Variants in LRP1B observed in about 807,000 individuals in gnomAD.
The protein encoded by LRP1B is LDL receptor related protein 1B.
Under a neutral mutation model 556.6 loss-of-function variants are expected in LRP1B, and 217 were observed. The ratio of observed to expected loss-of-function variants is 0.39; its 90% CI spans 0.35 to 0.44. LRP1B has a LOEUF of 0.44. Ranked by LOEUF, LRP1B falls within the 20% of genes least tolerant of loss-of-function variation. LRP1B has a pLI of 1.00. For synonymous variants in LRP1B, 2,047 were observed against 1,865.8 expected (o/e 1.10, Z -2.50); for missense variants, 5,053 against 5,620.8 (o/e 0.90, Z 3.23).
chr2:141,247,467 A>G, intron 4 of LRP1B, 113 bp from the exon 5 acceptor site: 2 of 1,215,370 alleles, frequency 1.6e-6, no homozygotes, highest in Non-Finnish European at 2.3e-6. Context: ...AGGAAAAGCC[A>G]ATTCCAATAA....
intron 3 of LRP1B, among the ~76,000 whole-genome samples, chr2:141,472,267 C>A (rs534078759): frequency 8.5e-5 from 13 of 152,208 alleles, no homozygotes; most frequent in Non-Finnish European, 1.9e-4. Context: ...TAAAATTGGC[C>A]GGACACAGTG....
In LRP1B at chr2:141,727,530, T is replaced by C. The variant is rs548232255; in HGVS notation, c.205+82749A>G. ...TGATTTAAGGAGTCTGACATTGAAT[T>C]TGGATTTCAATCCTGGTTATCCCAC... On this transcript the variant is annotated intron_variant, in intron 2 of 90. Coordinates refer to ENST00000389484, the MANE Select transcript of LRP1B (RefSeq NM_018557.3). Among the ~76,000 whole-genome samples the C allele has an allele frequency of 1.1e-4, 16 of 152,294 alleles. No homozygotes were observed. The South Asian group carries it at 3.3e-3, about 32-fold the overall frequency.
chr2:141,583,127 C>T (rs187587338), intron 2 of LRP1B, among the ~76,000 whole-genome samples: 15 of 152,136 alleles, frequency 9.9e-5, no homozygotes, highest in African/African-American at 3.1e-4. Context: ...TGAGCCACCA[C>T]GCCCGGCCAA....
intron 2 of LRP1B, among the ~76,000 whole-genome samples, chr2:141,623,836 G>A (rs1455761322): frequency 2.0e-5 from 3 of 151,618 alleles, no homozygotes; most frequent in African/African-American, 7.3e-5. Flanking sequence ...CTAAGATGGT[G>A]AAACTCCGTC....
intron 25 of LRP1B, 89 bp downstream of exon 25, chr2:140,883,728 T>C (rs1302563555): frequency 1.3e-6 from 1 of 795,326 alleles, no homozygotes; most frequent in Non-Finnish European, 1.8e-6. Context: ...CCACTTTGAC[T>C]CATAATTGAT....
At chr2:141,007,222 G>C (rs1697601062) in intron 14 of LRP1B, among the ~76,000 whole-genome samples, 1 of 151,736 alleles carries the variant, frequency 6.6e-6, no homozygotes, top group South Asian at 2.1e-4. Context: ...GGTTGGATGT[G>C]CTATACGGAG....
At chr2:140,429,849 C>A (rs1685840769) in intron 66 of LRP1B, among the ~76,000 whole-genome samples, 1 of 152,160 alleles carries the variant, frequency 6.6e-6, no homozygotes, top group South Asian at 2.1e-4. Flanking sequence ...TCAACTCACT[C>A]TTTACAGTTC....
At chr2:141,038,307 G>A (rs1433980475) in intron 11 of LRP1B, among the ~76,000 whole-genome samples, 2 of 152,038 alleles carry the variant, frequency 1.3e-5, no homozygotes, top group African/African-American at 4.8e-5. Context: ...TGATTTGTGT[G>A]TATATATGGT....
intron 2 of LRP1B, among the ~76,000 whole-genome samples, chr2:141,774,427 G>T (rs1265602805): frequency 6.6e-6 from 1 of 152,066 alleles, no homozygotes; most frequent in Non-Finnish European, 1.5e-5. Context: ...GATCTTGTGT[G>T]CACTAATGAG....
intron 2 of LRP1B, among the ~76,000 whole-genome samples, chr2:141,520,962 T>C (rs139823416): frequency 1.1e-4 from 17 of 152,188 alleles, no homozygotes; most frequent in Middle Eastern, 3.4e-3. Context: ...TGGTCGGTGA[T>C]AGAAGAAGGA....
intron 1 of LRP1B, among the ~76,000 whole-genome samples, chr2:142,009,132 T>A (rs1425130350): frequency 6.6e-6 from 1 of 152,192 alleles, no homozygotes; most frequent in Non-Finnish European, 1.5e-5. Context: ...TTGCTTTTGT[T>A]TGTTTGGAAA....
intron 1 of LRP1B, among the ~76,000 whole-genome samples, chr2:141,861,067 T>G (rs1698223818): frequency 6.6e-6 from 1 of 152,242 alleles, no homozygotes; most frequent in African/African-American, 2.4e-5. Context: ...ATACGATAAA[T>G]TTTAAAATAA....
At chr2:142,013,764 T>C (rs1198796376) in intron 1 of LRP1B, among the ~76,000 whole-genome samples, 1 of 152,144 alleles carries the variant, frequency 6.6e-6, no homozygotes, top group East Asian at 1.9e-4. Context: ...ATTTGGATTG[T>C]ACAGTGATTA....
At chr2:141,178,308 A>T (rs1327176005) in intron 7 of LRP1B, among the ~76,000 whole-genome samples, 1 of 152,088 alleles carries the variant, frequency 6.6e-6, no homozygotes, top group Non-Finnish European at 1.5e-5. Flanking sequence ...AAGGCTAACA[A>T]GTGACTTCTC....
chr2:141,070,644 T>C (rs1699613097), intron 7 of LRP1B, among the ~76,000 whole-genome samples: 1 of 151,880 alleles, frequency 6.6e-6, no homozygotes, highest in Non-Finnish European at 1.5e-5. Context: ...AAGAATCAAA[T>C]AGACGCAATA....
At chr2:140,877,204 C>T (rs149669541) in intron 25 of LRP1B, among the ~76,000 whole-genome samples, 1,605 of 152,208 alleles carry the variant, frequency 0.011, 22 homozygotes, top group African/African-American at 0.032. Flanking sequence ...CATATATAAA[C>T]GACTTTCGAA....
intron 2 of LRP1B, among the ~76,000 whole-genome samples, chr2:141,543,938 C>G (rs1685363770): frequency 6.6e-6 from 1 of 152,048 alleles, no homozygotes; most frequent in Non-Finnish European, 1.5e-5. Context: ...TTCTCCCATC[C>G]TCCCCAATCC....
rs1272158407 is a variant in LRP1B, at chr2:141,254,541, T to G, written c.444A>C (p.Glu148Asp). ...ACTTACCTTTACAGCTTCTCCCATCTTCTGTTATTTCGAATCCATCCTCAC... is the reference window on the plus strand; with the variant it reads ...ACTTACCTTTACAGCTTCTCCCATCGTCTGTTATTTCGAATCCATCCTCAC... ...CYCEDGFEITEDGRSCKDQDE... is the reference protein window; with the variant it reads ...CYCEDGFEITDDGRSCKDQDE... Residue 148 changes from glutamate (E) to aspartate (D), a missense_variant, in exon 4 of 91, where the codon GAA becomes GAC. Coordinates refer to ENST00000389484, the MANE Select transcript of LRP1B (RefSeq NM_018557.3). The G allele has an allele frequency of 6.2e-7, 1 of 1,612,118 alleles. No individual in the cohort carries two copies. Among genetic ancestry groups the G allele is most frequent in the South Asian group, 1.1e-5 (1 of 91,062 alleles).
chr2:140,296,311 C>T (rs904663388), intron 84 of LRP1B, among the ~76,000 whole-genome samples: 5 of 152,092 alleles, frequency 3.3e-5, no homozygotes, highest in Admixed American at 3.3e-4. Context: ...CAAGATACCT[C>T]ATTATACAGA....
Sources: allele counts gnomAD v4.1 joint callset (sites outside exome capture counted in the v4.1 genomes callset), GRCh38; gene constraint gnomAD v4.1.1; transcripts MANE v1.5; gene names NCBI Gene and HGNC (gene_info 2026-07-23, HGNC 2026-07-21).